Variants in MAP2 observed in about 807,000 individuals in gnomAD.
MAP2 encodes microtubule-associated protein 2.
Under a neutral mutation model 137.6 loss-of-function variants are expected in MAP2, and 14 were observed. The ratio of observed to expected loss-of-function variants is 0.10; its 90% CI spans 0.07 to 0.16. MAP2 has a LOEUF of 0.16. Ranked by LOEUF, MAP2 falls within the 10% of genes least tolerant of loss-of-function variation. MAP2 has a pLI of 1.00. For synonymous variants in MAP2, 786 were observed against 782.3 expected (o/e 1.00, Z -0.08); for missense variants, 2,088 against 2,191.5 (o/e 0.95, Z 0.94).
At chr2:209,623,171 G>T (rs2091601967) in intron 3 of MAP2, among the ~76,000 whole-genome samples, 1 of 151,984 alleles carries the variant, frequency 6.6e-6, no homozygotes, top group Non-Finnish European at 1.5e-5. Context: ...TTTGAGCTTT[G>T]CAGGCCATAT....
intron 2 of MAP2, among the ~76,000 whole-genome samples, chr2:209,534,551 A>G (rs2065664264): frequency 6.6e-6 from 1 of 152,192 alleles, no homozygotes; most frequent in South Asian, 2.1e-4. Context: ...TACCCCTTCT[A>G]AATTGCTCTG....
chr2:209,696,445 TTATTTTG>T (rs1210356446), intron 8 of MAP2, 90 bp from the exon 9 acceptor site: 1 of 1,475,820 alleles, frequency 6.8e-7, no homozygotes, highest in African/African-American at 1.4e-5. Flanking sequence ...CTTTATCTCT[TTATTTTG>T]TATTTTGTTA....
chr2:209,473,627 A>T (rs1706385489), intron 1 of MAP2, among the ~76,000 whole-genome samples: 1 of 152,072 alleles, frequency 6.6e-6, no homozygotes, highest in Admixed American at 6.6e-5. Context: ...AAGATAAAAC[A>T]GAGATGTATA....
At chr2:209,516,827 T>G (rs944022509) in intron 2 of MAP2, among the ~76,000 whole-genome samples, 1 of 152,052 alleles carries the variant, frequency 6.6e-6, no homozygotes, top group Non-Finnish European at 1.5e-5. Context: ...AAGATGTAAA[T>G]TAGTATTGTA....
intron 1 of MAP2, among the ~76,000 whole-genome samples, chr2:209,457,294 A>G (rs2149544845): frequency 6.6e-6 from 1 of 152,270 alleles, no homozygotes; most frequent in East Asian, 1.9e-4. Flanking sequence ...GGGTCTGGCA[A>G]AATCTTCCTA....
chr2:209,540,716 T>C (rs2066875010), intron 2 of MAP2, among the ~76,000 whole-genome samples: 1 of 144,040 alleles, frequency 6.9e-6, no homozygotes, highest in Non-Finnish European at 1.5e-5. Context: ...TGTCATTGAC[T>C]AAATATATAT....
At chr2:209,724,697 C>T (rs554219949) in intron 13 of MAP2, among the ~76,000 whole-genome samples, 1 of 152,284 alleles carries the variant, frequency 6.6e-6, no homozygotes, top group Non-Finnish European at 1.5e-5. Flanking sequence ...AAGTTCATAG[C>T]AATGTTTGCT....
In MAP2 at chr2:209,694,824, A is replaced by G; in HGVS notation, c.2654A>G (p.Asp885Gly). ...YTVPLPSPVQDSENLSGESGT... is the reference protein window; with the variant it reads ...YTVPLPSPVQGSENLSGESGT... ...GTCCCATTGCCATCACCTGTTCAAG[A>G]CAGTGAGAATTTATCAGGGGAGAGT... Residue 885 changes from aspartate (D) to glycine (G), a missense_variant, in exon 8 of 16, where the codon GAC becomes GGC. Coordinates refer to ENST00000682079, the MANE Select transcript of MAP2 (RefSeq NM_001375505.1). The G allele has an allele frequency of 6.2e-7, 1 of 1,614,212 alleles. No individual in the cohort carries two copies. The highest frequency in any genetic ancestry group is 1.1e-5 in the South Asian group (1 of 91,086).
chr2:209,592,693 T>G (rs2079576356), intron 3 of MAP2, among the ~76,000 whole-genome samples: 1 of 152,202 alleles, frequency 6.6e-6, no homozygotes, highest in Admixed American at 6.5e-5. Flanking sequence ...TTTGATGGTT[T>G]TCTTTTTAGT....
chr2:209,498,642 C>T (rs1482503193), intron 1 of MAP2, among the ~76,000 whole-genome samples: 2 of 152,252 alleles, frequency 1.3e-5, no homozygotes, highest in African/African-American at 4.8e-5. Context: ...CTCATTCACT[C>T]TTGCACTCTG....
intron 1 of MAP2, among the ~76,000 whole-genome samples, chr2:209,434,961 G>A (rs1273073606): frequency 7.7e-6 from 1 of 129,368 alleles, no homozygotes; most frequent in Admixed American, 7.6e-5. Flanking sequence ...TATATATAAA[G>A]CAAATCAACA....
chr2:209,476,640 G>T (rs933873950), intron 1 of MAP2, among the ~76,000 whole-genome samples: 1 of 152,022 alleles, frequency 6.6e-6, no homozygotes, highest in Admixed American at 6.6e-5. Flanking sequence ...AAAAATATAC[G>T]ACGTCCATAT....
chr2:209,590,078 C>T (rs941950721), intron 3 of MAP2, among the ~76,000 whole-genome samples: 5 of 152,068 alleles, frequency 3.3e-5, no homozygotes, highest in African/African-American at 1.2e-4. Context: ...CAAGGCCATG[C>T]TCAGTGCAGC....
At chr2:209,518,965 T>C (rs542969468) in intron 2 of MAP2, among the ~76,000 whole-genome samples, 1 of 152,166 alleles carries the variant, frequency 6.6e-6, no homozygotes, top group South Asian at 2.1e-4. Flanking sequence ...AAATTTCAGA[T>C]GGGAAATTTG....
chr2:209,730,009 C>G (rs749220455), intron 15 of MAP2, 47 bp downstream of exon 15: 82 of 1,387,736 alleles, frequency 5.9e-5, no homozygotes, highest in Non-Finnish European at 7.5e-5. Context: ...AAAAAAAATT[C>G]TTCTGAAATA....
chr2:209,604,024 C>A (rs1020380664), intron 3 of MAP2, among the ~76,000 whole-genome samples: 1 of 152,020 alleles, frequency 6.6e-6, no homozygotes, highest in African/African-American at 2.4e-5. Context: ...TTATCATCTC[C>A]CGGAGGATTT....
chr2:209,470,507 T>C (rs1355898827), intron 1 of MAP2, among the ~76,000 whole-genome samples: 2 of 150,746 alleles, frequency 1.3e-5, no homozygotes, highest in Admixed American at 6.6e-5. Flanking sequence ...TAATTAAATA[T>C]TTTTTCTACC....
At chr2:209,444,002 G>T (rs528551453) in intron 1 of MAP2, among the ~76,000 whole-genome samples, 1 of 151,676 alleles carries the variant, frequency 6.6e-6, no homozygotes, top group Non-Finnish European at 1.5e-5. Context: ...TACTGAGAAA[G>T]AATTTTAACA....
chr2:209,510,284 G>A (rs1026251208), intron 2 of MAP2, among the ~76,000 whole-genome samples: 13 of 151,860 alleles, frequency 8.6e-5, no homozygotes, highest in African/African-American at 3.1e-4. Flanking sequence ...ACTTGAAAAG[G>A]TGATTTTTAA....
Sources: gnomAD v4.1 joint callset for allele counts (sites outside exome capture counted in the v4.1 genomes callset) on GRCh38, gnomAD v4.1.1 for gene constraint, MANE v1.5 for transcripts, NCBI Gene and HGNC (gene_info 2026-07-23, HGNC 2026-07-21) for gene names.